The following MTSS1 variants were observed in gnomAD, a reference collection of about 807,000 sequenced individuals.
MTSS1 encodes the protein MTSS I-BAR domain containing 1.
Under a neutral mutation model 79.0 loss-of-function variants are expected in MTSS1, and 18 were observed. The ratio of observed to expected loss-of-function variants is 0.23; its 90% CI spans 0.16 to 0.34. The LOEUF is 0.34. Ranked by LOEUF, MTSS1 falls within the 10% of genes least tolerant of loss-of-function variation. The pLI is 1.00. For missense variants in MTSS1, 815 were observed against 986.2 expected, an observed-to-expected ratio of 0.83 and a Z score of 2.33; for synonymous variants, 341 against 368.6, an observed-to-expected ratio of 0.93 and a Z score of 0.86.
intron 6 of MTSS1, among the ~76,000 whole-genome samples, chr8:124,575,335 A>C (rs1026475182): frequency 1.3e-5 from 2 of 152,210 alleles, no homozygotes; most frequent in Non-Finnish European, 1.5e-5. Context: ...GTTATTTTTC[A>C]ACCTACTGTG....
chr8:124,591,671 T>G (rs375837147), intron 3 of MTSS1, among the ~76,000 whole-genome samples: 2 of 152,258 alleles, frequency 1.3e-5, no homozygotes, highest in Non-Finnish European at 1.5e-5. Context: ...AATAATCCCG[T>G]TAACATTATT....
rs905146925 is a variant in MTSS1, at chr8:124,597,920, G to A, written c.209-6685C>T. ...GCAGGGCAGGAGAGTTCACTAGAGT[G>A]GGGTATCTCGGCCTCAGCCCTGCTG... On this transcript the variant is annotated intron_variant, in intron 3 of 13. Coordinates refer to ENST00000518547, the MANE Select transcript of MTSS1 (RefSeq NM_014751.6). This position sits in a 1 kb window ranked among gnomAD's most constrained non-coding sequence, Gnocchi z 4.6. Among the ~76,000 whole-genome samples the A allele has an allele frequency of 6.6e-6, 1 of 152,174 alleles. No homozygotes were observed. The highest frequency in any genetic ancestry group is 1.9e-4 in the East Asian group (1 of 5,192).
At chr8:124,611,548 G>A (rs989443534) in intron 3 of MTSS1, among the ~76,000 whole-genome samples, 6 of 151,350 alleles carry the variant, frequency 4.0e-5, no homozygotes, top group African/African-American at 1.5e-4. Flanking sequence ...ACAGACCCTC[G>A]GCTCCCTTCA....
rs145641050 is a variant in MTSS1, at chr8:124,575,807, C to A, written c.461-7271G>T. Among the ~76,000 whole-genome samples, 1,022 of 152,260 alleles carry A rather than the reference C, an allele frequency of 6.7e-3. 8 individuals are homozygous for A. The highest frequency in any genetic ancestry group is 0.011 in the Non-Finnish European group (743 of 68,022). Reference sequence around the variant, plus strand: ...CCCAGGCCAACCTGCAGCTCACCATCCAGAGTGTCTCCAACAGAGCATCCT... The same window carrying A: ...CCCAGGCCAACCTGCAGCTCACCATACAGAGTGTCTCCAACAGAGCATCCT... On this transcript the variant is annotated intron_variant, in intron 6 of 13. Transcript: ENST00000518547.
chr8:124,583,304 C>T (rs902471516), intron 6 of MTSS1, among the ~76,000 whole-genome samples: 3 of 152,190 alleles, frequency 2.0e-5, no homozygotes, highest in African/African-American at 7.2e-5. Context: ...AGATGCCTCT[C>T]TTCATGTTAT....
chr8:124,609,619 AG>A (rs1835440360), intron 3 of MTSS1, among the ~76,000 whole-genome samples: 1 of 152,182 alleles, frequency 6.6e-6, no homozygotes, highest in African/African-American at 2.4e-5. Context: ...AAGGAAAGAG[AG>A]ACTAAGGGGA....
At chr8:124,604,055 T>C (rs1451981589) in intron 3 of MTSS1, among the ~76,000 whole-genome samples, 1 of 151,802 alleles carries the variant, frequency 6.6e-6, no homozygotes, top group African/African-American at 2.4e-5. Context: ...CTACTAAAAA[T>C]ACAAAAAATT....
chr8:124,711,122 C>T (rs1300619509), intron 1 of MTSS1, among the ~76,000 whole-genome samples: 1 of 152,214 alleles, frequency 6.6e-6, no homozygotes, highest in Non-Finnish European at 1.5e-5. Context: ...GAAGCATCAC[C>T]ACTTTCTAAA....
At chr8:124,605,176 C>G (rs1217737514) in intron 3 of MTSS1, among the ~76,000 whole-genome samples, 1 of 152,156 alleles carries the variant, frequency 6.6e-6, no homozygotes, top group Non-Finnish European at 1.5e-5. Flanking sequence ...CCACCATGAA[C>G]CCCCCATTGC....
chr8:124,710,846 G>A (rs1439537969), intron 1 of MTSS1, among the ~76,000 whole-genome samples: 1 of 152,198 alleles, frequency 6.6e-6, no homozygotes, highest in Non-Finnish European at 1.5e-5. Context: ...AGGGCAACTT[G>A]GGAGGAGCCA....
intron 3 of MTSS1, among the ~76,000 whole-genome samples, chr8:124,626,573 T>C (rs114836536): frequency 3.0e-4 from 46 of 152,042 alleles, no homozygotes; most frequent in Middle Eastern, 3.4e-3. Flanking sequence ...TCTTATCCAC[T>C]GGGCTGGAGG....
At position 124,605,561 on chromosome 8, in the gene MTSS1, CCT is replaced by C. The variant is rs1240274429; in HGVS notation, c.209-14328_209-14327del. ...GCCCTCGCACTGCCTCCCTCCCTGC[CCT>C]CTCGCTGCCTCCCTCCCTGCCCTCT... is the stretch of plus-strand genomic sequence containing the variant. On this transcript the variant is annotated intron_variant, in intron 3 of 13. Coordinates refer to ENST00000518547, the MANE Select transcript of MTSS1 (RefSeq NM_014751.6). Among the ~76,000 whole-genome samples, 187 of 131,742 alleles carry C rather than the reference CCT, an allele frequency of 1.4e-3. 2 individuals are homozygous for C. The highest frequency in any genetic ancestry group is 5.3e-3 in the African/African-American group (175 of 33,098). 86.4% of individuals were successfully genotyped at this position (131,742 alleles called of 152,430 possible).
intron 3 of MTSS1, among the ~76,000 whole-genome samples, chr8:124,602,184 TATAC>T (rs1265086586): frequency 8.6e-5 from 12 of 140,346 alleles, no homozygotes; most frequent in Admixed American, 2.9e-4. Flanking sequence ...ATCTCATATA[TATAC>T]ATATATATAT....
In MTSS1 at chr8:124,555,726, C is replaced by G. The variant is rs1265669512; in HGVS notation, c.1567+16G>C. The G allele has an allele frequency of 6.3e-7, 1 of 1,593,330 alleles. No individual in the cohort carries two copies. The highest frequency in any genetic ancestry group is 1.2e-5 in the South Asian group (1 of 86,498). On this transcript the variant is annotated intron_variant, in intron 13 of 13. Coordinates refer to ENST00000518547, the MANE Select transcript of MTSS1 (RefSeq NM_014751.6). ...TGCTCAGAAAGCCTAAGTGCACACCCCAGGCTGCCTCGTACCTTGGGAAGG... is the reference window on the plus strand; with the variant it reads ...TGCTCAGAAAGCCTAAGTGCACACCGCAGGCTGCCTCGTACCTTGGGAAGG...
intron 3 of MTSS1, among the ~76,000 whole-genome samples, chr8:124,661,983 G>T (rs1486183610): frequency 2.0e-5 from 3 of 152,142 alleles, no homozygotes; most frequent in Non-Finnish European, 4.4e-5. Flanking sequence ...TGAACACCAA[G>T]GAAGTAGCCA....
chr8:124,722,060 C>T (rs1315815690), intron 1 of MTSS1, among the ~76,000 whole-genome samples: 1 of 152,202 alleles, frequency 6.6e-6, no homozygotes, highest in Non-Finnish European at 1.5e-5. Flanking sequence ...AAACTTTCTA[C>T]TGCTTTGAGA....
intron 3 of MTSS1, among the ~76,000 whole-genome samples, chr8:124,659,793 T>C (rs150093520): frequency 0.01 from 1,558 of 152,284 alleles, 24 homozygotes; most frequent in African/African-American, 0.036. Context: ...AACATGAAGA[T>C]AGCAACAAAT....
chr8:124,578,870 G>A (rs925944712), intron 6 of MTSS1, among the ~76,000 whole-genome samples: 4 of 152,108 alleles, frequency 2.6e-5, no homozygotes, highest in South Asian at 4.2e-4. Context: ...GAGCCACCAC[G>A]CCAACGCGCC....
intron 10 of MTSS1, among the ~76,000 whole-genome samples, chr8:124,561,381 G>A (rs1426565000): frequency 2.6e-5 from 4 of 152,172 alleles, no homozygotes; most frequent in Non-Finnish European, 4.4e-5. Flanking sequence ...TTGCACCACT[G>A]CACTCCAGCC....
Sources: gnomAD v4.1 joint callset for allele counts (sites outside exome capture counted in the v4.1 genomes callset) on GRCh38, gnomAD v4.1.1 for gene constraint, Gnocchi (gnomAD v3.1) non-coding constraint, MANE v1.5 for transcripts, NCBI Gene and HGNC (gene_info 2026-07-23, HGNC 2026-07-21) for gene names.